Variants in LRRC34 observed in about 807,000 individuals in gnomAD.
The protein encoded by LRRC34 is leucine rich repeat containing 34.
A neutral mutation model predicts 48.5 loss-of-function variants in LRRC34; 44 were observed. The ratio of observed to expected loss-of-function variants is 0.91; its 90% CI spans 0.71 to 1.17. The LOEUF (loss-of-function observed/expected upper bound fraction) is 1.17, where lower values mean the gene tolerates loss of function less well. Ranked by LOEUF, LRRC34 falls within the 50% of genes most tolerant of loss-of-function variation. The pLI is 0.00. For missense variants in LRRC34, 502 were observed against 563.0 expected, an observed-to-expected ratio of 0.89 and a Z score of 1.10; for synonymous variants, 192 against 197.6, an observed-to-expected ratio of 0.97 and a Z score of 0.24.
chr3:169,796,134 CTTAAGAG>C (rs1196933696), intron 9 of LRRC34, 73 bp downstream of exon 9: 40 of 1,455,978 alleles, frequency 2.7e-5, no homozygotes, highest in African/African-American at 4.4e-5. Flanking sequence ...TCATTATAAT[CTTAAGAG>C]TTAAGGGGAT....
Position 169,796,320 on chromosome 3 carries a change from T to C in LRRC34, c.958A>G (p.Ser320Gly), listed in dbSNP as rs1778988092. The C allele has an allele frequency of 6.2e-7, 1 of 1,611,578 alleles. No individual in the cohort carries two copies. Among genetic ancestry groups the C allele is most frequent in the African/African-American group, 1.3e-5 (1 of 74,828 alleles). The change falls in exon 9 of 11, where the codon AGC (serine) becomes GGC (glycine). Residue 320 changes from serine to glycine, a missense_variant. Ser to Gly is a moderately conservative substitution (Grantham distance 56). Coordinates refer to ENST00000446859, the MANE Select transcript of LRRC34 (RefSeq NM_001172779.2). ...TCTATTACTTCCAGGGTAGTGTTGCTTTTCAGTACATCAGCCAAATACACC... is the reference window on the plus strand; with the variant it reads ...TCTATTACTTCCAGGGTAGTGTTGCCTTTCAGTACATCAGCCAAATACACC... ...GMVYLADVLK[S>G]NTTLEVIDLS...
intron 7 of LRRC34, among the ~76,000 whole-genome samples, chr3:169,800,396 C>G (rs1002298168): frequency 2.6e-5 from 4 of 152,192 alleles, no homozygotes; most frequent in African/African-American, 9.7e-5. Context: ...CACAGGTTTA[C>G]TCACTAAGAA....
At chr3:169,811,071 A>AAAAAC (rs762564114) in intron 1 of LRRC34, among the ~76,000 whole-genome samples, 5 of 152,188 alleles carry the variant, frequency 3.3e-5, no homozygotes, top group Non-Finnish European at 7.3e-5. Flanking sequence ...ACTCCATCTC[A>AAAAAC]AAAACAAAAC....
chr3:169,801,588 C>T lies in LRRC34; in HGVS notation c.658-834G>A, dbSNP rs564174260. Among the ~76,000 whole-genome samples the T allele has an allele frequency of 6.8e-4, 103 of 152,264 alleles. 1 individual carries two copies. Among genetic ancestry groups the T allele is most frequent in the African/African-American group, 2.4e-3 (100 of 41,540 alleles). The stretch of plus-strand genomic sequence containing the variant: ...ATGATTTTCATTTATAATACAACCC[C>T]CACTTCTTCCCCTTACCTGTGACCC... On this transcript the variant is annotated intron_variant, in intron 6 of 10. Coordinates refer to ENST00000446859, the MANE Select transcript of LRRC34 (RefSeq NM_001172779.2).
In LRRC34 at chr3:169,793,812, A is replaced by G; in HGVS notation, c.1218T>C (p.Gly406=). The change falls in exon 11 of 11, where the codon GGT becomes GGC. Residue 406 remains glycine (G), a synonymous_variant. Transcript: ENST00000446859. ...CATCTGTATTGTCTGGTTTTAGACA[A>G]CCCATTTGAATTAAGTCTGAATATG... The part of the protein sequence containing the change: ...CIAYSDLIQM[G]CLKPDNTDVE... The G allele has an allele frequency of 6.2e-7, 1 of 1,612,016 alleles. No individual in the cohort carries two copies. Among genetic ancestry groups the G allele is most frequent in the Non-Finnish European group, 8.5e-7 (1 of 1,179,416 alleles).
intron 6 of LRRC34, among the ~76,000 whole-genome samples, chr3:169,803,707 T>G (rs1341533829): frequency 6.6e-6 from 1 of 152,218 alleles, no homozygotes; most frequent in Non-Finnish European, 1.5e-5. Context: ...GCTGGGATTA[T>G]AGGCGTGAGC....
chr3:169,800,266 T>G (rs1576737591), intron 7 of LRRC34, among the ~76,000 whole-genome samples: 1 of 152,182 alleles, frequency 6.6e-6, no homozygotes, highest in Non-Finnish European at 1.5e-5. Flanking sequence ...TTATTACTCA[T>G]GATTTCAAAG....
At chr3:169,804,232 T>C (rs774549935) in intron 5 of LRRC34, 51 bp from the exon 6 acceptor site, 2 of 1,411,758 alleles carry the variant, frequency 1.4e-6, no homozygotes, top group African/African-American at 1.5e-5. Flanking sequence ...CAGAATTCTA[T>C]ATATTACATG....
At position 169,793,852 on chromosome 3, in the gene LRRC34, GA is replaced by G. The variant is rs775849848; in HGVS notation, c.1192-15del. ...GTCTGAATATGCCTAGGATTTTTAG[GA>G]AAAAAACTATATCATTAAGAAAAAA... is the stretch of plus-strand genomic sequence containing the variant. On this transcript the variant is annotated splice_polypyrimidine_tract_variant and intron_variant, in intron 10 of 10. Transcript: ENST00000446859. 3.2e-6 allele frequency: 5 copies of G among 1,559,500 alleles called. No individual in the cohort carries two copies. Among genetic ancestry groups the G allele is most frequent in the Admixed American group, 1.9e-5 (1 of 51,440 alleles).
At chr3:169,796,985 C>T (rs1779015404) in intron 7 of LRRC34, 86 bp from the exon 8 acceptor site, 5 of 1,084,558 alleles carry the variant, frequency 4.6e-6, no homozygotes, top group Non-Finnish European at 4.9e-6. Flanking sequence ...TTTAAATTAG[C>T]TTTTTAAAAA....
chr3:169,799,980 T>C (rs1009768803), intron 7 of LRRC34, among the ~76,000 whole-genome samples: 6 of 152,232 alleles, frequency 3.9e-5, no homozygotes, highest in African/African-American at 1.4e-4. Context: ...CCCAAAGTGC[T>C]GGGATTACAG....
chr3:169,796,079 C>T lies in LRRC34; in HGVS notation c.1064+135G>A, dbSNP rs1463762941. ...TGAAAAATAGAAATGTAAATGTTTACTGTAACTTAATACTATGTCAGTTTA... is the reference window on the plus strand; with the variant it reads ...TGAAAAATAGAAATGTAAATGTTTATTGTAACTTAATACTATGTCAGTTTA... On this transcript the variant is annotated intron_variant, in intron 9 of 10. Transcript: ENST00000446859. 4 of 1,325,720 alleles carry T rather than the reference C, an allele frequency of 3.0e-6. No homozygotes were observed. The East Asian group carries it at 1.2e-4, about 39-fold the overall frequency. 82.1% of individuals were successfully genotyped at this position (1,325,720 alleles called of 1,614,324 possible).
chr3:169,812,635 C>T lies in LRRC34; in HGVS notation c.-87G>A. ...GCCAGCCTGCTTCGAGTCCCGCTGG[C>T]TGTGCCTGCCCGGGCCCTGAGGCCT... On this transcript the variant is annotated 5_prime_UTR_variant, in exon 1 of 11. Coordinates refer to ENST00000446859, the MANE Select transcript of LRRC34 (RefSeq NM_001172779.2). This position sits in a 1 kb window ranked among gnomAD's most constrained non-coding sequence, Gnocchi z 4.3. 7.1e-7 allele frequency: 1 copy of T among 1,400,652 alleles called. No individual in the cohort carries two copies. Among genetic ancestry groups the T allele is most frequent in the Non-Finnish European group, 9.2e-7 (1 of 1,083,864 alleles). The allele number at this position is 1,400,652 out of a possible 1,614,324, so 86.8% of individuals were successfully genotyped here. A position where few individuals can be genotyped will look rare whatever the true frequency, so the allele number is the denominator to read the frequency against.
rs180757577 is a variant in LRRC34 at position 169,798,545 on chromosome 3, C to T, written c.754-1646G>A. 4.0e-3 allele frequency among the ~76,000 whole-genome samples: 607 copies of T among 152,182 alleles called. 2 individuals are homozygous for T. The highest frequency in any genetic ancestry group is 5.7e-3 in the Non-Finnish European group (386 of 67,994). ...TGGGGATAGAGAAGGTAGTGGCTGT[C>T]CTGGAGAAGAACAAAACAGACTAGC... On this transcript the variant is annotated intron_variant, in intron 7 of 10. Transcript: ENST00000446859.
Position 169,808,713 on chromosome 3 carries a change from A to G in LRRC34, c.172T>C (p.Ser58Pro). ...TGGGATTTTTCCATACACAGATTAG[A>G]ATAATGTTTCTGGAGACCAGATTCT... ...SPESGLQKHY[S>P]NLCMEKSQKI... Residue 58 changes from serine to proline, a missense_variant, in exon 2 of 11, where the codon TCT becomes CCT. By Grantham distance (74) the Ser-to-Pro change is moderately conservative. Coordinates refer to ENST00000446859, the MANE Select transcript of LRRC34 (RefSeq NM_001172779.2). 6.3e-7 allele frequency: 1 copy of G among 1,593,918 alleles called. No individual in the cohort carries two copies. Among genetic ancestry groups the G allele is most frequent in the Non-Finnish European group, 8.6e-7 (1 of 1,164,318 alleles).
chr3:169,809,960 T>G (rs990156350), intron 1 of LRRC34, among the ~76,000 whole-genome samples: 2 of 78,078 alleles, frequency 2.6e-5, no homozygotes, highest in Non-Finnish European at 5.5e-5. Flanking sequence ...GGAAATTTCT[T>G]TTTTTTTTTT....
chr3:169,795,326 C>T, intron 10 of LRRC34, 159 bp downstream of exon 10: 1 of 608,842 alleles, frequency 1.6e-6, no homozygotes, highest in Non-Finnish European at 2.5e-6. Context: ...TTATTTGAAC[C>T]ACCAAACTCT....
intron 6 of LRRC34, among the ~76,000 whole-genome samples, chr3:169,801,581 A>G (rs1779195028): frequency 6.6e-6 from 1 of 152,120 alleles, no homozygotes; most frequent in Non-Finnish European, 1.5e-5. Flanking sequence ...CATTTATAAT[A>G]CAACCCCCAC....
chr3:169,796,449 AC>A, intron 8 of LRRC34, 80 bp from the exon 9 acceptor site: 1 of 1,453,888 alleles, frequency 6.9e-7, no homozygotes, highest in South Asian at 1.3e-5. Flanking sequence ...GAAAACTTAA[AC>A]AGTACTTTCT....
Sources: allele counts gnomAD v4.1 joint callset (sites outside exome capture counted in the v4.1 genomes callset), GRCh38; gene constraint gnomAD v4.1.1; non-coding constraint Gnocchi (gnomAD v3.1); transcripts MANE v1.5; gene names NCBI Gene and HGNC (gene_info 2026-07-23, HGNC 2026-07-21).